Variants in COL5A2 observed in about 807,000 individuals in gnomAD.
COL5A2 encodes the protein collagen type V alpha 2 chain.
A neutral mutation model predicts 208.2 loss-of-function variants in COL5A2; 23 were observed. The ratio of observed to expected loss-of-function variants is 0.11; its 90% CI spans 0.08 to 0.16. The LOEUF (loss-of-function observed/expected upper bound fraction) is 0.16. Among genes scored for constraint, COL5A2 ranks in the 10% least tolerant of loss-of-function variants. COL5A2 has a pLI of 1.00. For synonymous variants in COL5A2, 625 were observed against 628.5 expected (o/e 0.99, Z 0.08); for missense variants, 1,590 against 1,956.4 (o/e 0.81, Z 3.53).
intron 1 of COL5A2, among the ~76,000 whole-genome samples, chr2:189,141,524 C>A (rs1300493003): frequency 2.0e-5 from 3 of 152,076 alleles, no homozygotes; most frequent in Non-Finnish European, 4.4e-5. Context: ...ATACAATTAT[C>A]TGACTGGGAT....
rs563349067 is a variant in COL5A2 at position 189,039,136 on chromosome 2, A to G, written c.3925+136T>C. The G allele has an allele frequency of 9.1e-6, 10 of 1,100,064 alleles. No homozygotes were observed. The Admixed American group carries it at 1.7e-4, about 18-fold the overall frequency. The allele number at this position is 1,100,064 out of a possible 1,614,324, so 68.1% of individuals were successfully genotyped here. Reference sequence around the variant, plus strand: ...TTGACTGTTTCCACCATTAAATTATAAGCTCCATGATATGTTTACTATTTT... The same window carrying G: ...TTGACTGTTTCCACCATTAAATTATGAGCTCCATGATATGTTTACTATTTT... On this transcript the variant is annotated intron_variant, in intron 51 of 53. Coordinates refer to ENST00000374866, the MANE Select transcript of COL5A2 (RefSeq NM_000393.5).
intron 1 of COL5A2, among the ~76,000 whole-genome samples, chr2:189,184,934 C>T (rs938348642): frequency 2.6e-5 from 4 of 152,034 alleles, no homozygotes; most frequent in African/African-American, 4.8e-5. Context: ...AATTCCTTGT[C>T]GGTCATGGGG....
intron 51 of COL5A2, among the ~76,000 whole-genome samples, chr2:189,038,836 C>G (rs59291399): frequency 0.056 from 8,459 of 152,156 alleles, 246 homozygotes; most frequent in African/African-American, 0.093. Context: ...ACTACAGGCA[C>G]CCGCCACCAC....
chr2:189,205,680 C>T (rs534080620), intron 1 of COL5A2, among the ~76,000 whole-genome samples: 1 of 152,210 alleles, frequency 6.6e-6, no homozygotes, highest in African/African-American at 2.4e-5. Context: ...ATATAGGACA[C>T]CTGGCCCATA....
chr2:189,266,548 A>G, the COL5A2 span, among the ~76,000 whole-genome samples: 1 of 152,176 alleles, frequency 6.6e-6, no homozygotes, highest in Non-Finnish European at 1.5e-5. Flanking sequence ...TCCTAAATCT[A>G]TGAAGTGTCC....
the COL5A2 span, among the ~76,000 whole-genome samples, chr2:189,419,634 A>AT: frequency 1.2e-4 from 18 of 148,950 alleles, no homozygotes; most frequent in East Asian, 3.9e-4. Flanking sequence ...CCACAAAATA[A>AT]TTTTTTTTTT....
At chr2:189,387,669 G>C in the COL5A2 span, among the ~76,000 whole-genome samples, 1 of 152,126 alleles carries the variant, frequency 6.6e-6, no homozygotes, top group African/African-American at 2.4e-5. Flanking sequence ...TATAAACAAA[G>C]TTGCAACAGG....
the COL5A2 span, among the ~76,000 whole-genome samples, chr2:189,353,283 G>A: frequency 1.3e-5 from 2 of 152,072 alleles, no homozygotes; most frequent in Non-Finnish European, 2.9e-5. Context: ...CTCTTTTTTG[G>A]TTCCATATGA....
chr2:189,383,540 C>T, the COL5A2 span, among the ~76,000 whole-genome samples: 1 of 152,052 alleles, frequency 6.6e-6, no homozygotes, highest in African/African-American at 2.4e-5. Flanking sequence ...ATAATATAGA[C>T]AAGAAAAGAA....
the COL5A2 span, among the ~76,000 whole-genome samples, chr2:189,297,107 C>G: frequency 6.6e-6 from 1 of 152,278 alleles, no homozygotes; most frequent in South Asian, 2.1e-4. Context: ...TTTGAAGAAA[C>G]AATTCTCCTC....
intron 50 of COL5A2, 118 bp downstream of exon 50, chr2:189,041,464 TCTAC>T: frequency 1.3e-6 from 1 of 796,454 alleles, no homozygotes; most frequent in Non-Finnish European, 2.3e-6. Context: ...TTGTGTGACT[TCTAC>T]GTTTGTTTTC....
chr2:189,062,726 A>G (rs1576501912), intron 29 of COL5A2, 139 bp downstream of exon 29: 3 of 885,452 alleles, frequency 3.4e-6, no homozygotes, highest in Middle Eastern at 3.3e-4. Context: ...AAGAGAAGGT[A>G]TAACAGAAAT....
At position 189,097,337 on chromosome 2, in the gene COL5A2, C is replaced by A. The variant is rs756690452; in HGVS notation, c.403-7G>T. ...CCTGTGATCCTGGAGGTCCCTAAAACAGAAAATGATGATTATGCATGCAAA... is the reference window on the plus strand; with the variant it reads ...CCTGTGATCCTGGAGGTCCCTAAAAAAGAAAATGATGATTATGCATGCAAA... On this transcript the variant is annotated splice_region_variant and splice_polypyrimidine_tract_variant and intron_variant, in intron 5 of 53. Coordinates refer to ENST00000374866, the MANE Select transcript of COL5A2 (RefSeq NM_000393.5). 1 of 1,613,960 alleles carries A rather than the reference C, an allele frequency of 6.2e-7. No individual in the cohort carries two copies. The highest frequency in any genetic ancestry group is 8.5e-7 in the Non-Finnish European group (1 of 1,179,930).
the COL5A2 span, among the ~76,000 whole-genome samples, chr2:189,409,233 T>C: frequency 8.3e-6 from 1 of 121,040 alleles, no homozygotes; most frequent in Non-Finnish European, 1.7e-5. Context: ...TTTTTAGAGA[T>C]AGGATCTGGA....
At chr2:189,224,148 A>T (rs1689382144) in intron 1 of COL5A2, among the ~76,000 whole-genome samples, 1 of 143,968 alleles carries the variant, frequency 6.9e-6, no homozygotes, top group South Asian at 2.3e-4. Context: ...TGTTGTGAAG[A>T]GGTAAACTGG....
intron 1 of COL5A2, among the ~76,000 whole-genome samples, chr2:189,208,035 A>G (rs1689163173): frequency 6.6e-6 from 1 of 152,146 alleles, no homozygotes; most frequent in African/African-American, 2.4e-5. Context: ...GAAATTCCAA[A>G]TGTATTTCTC....
At chr2:189,208,150 A>G (rs148872815) in intron 1 of COL5A2, among the ~76,000 whole-genome samples, 93 of 152,274 alleles carry the variant, frequency 6.1e-4, no homozygotes, top group Non-Finnish European at 1.1e-3. Context: ...ACTAAATCCA[A>G]ATTCATTACT....
chr2:189,242,833 A>G, the COL5A2 span, among the ~76,000 whole-genome samples: 1 of 152,214 alleles, frequency 6.6e-6, no homozygotes, highest in Non-Finnish European at 1.5e-5. Context: ...TGATCTTGGG[A>G]AAGCTGACTA....
At chr2:189,423,993 T>C in the COL5A2 span, among the ~76,000 whole-genome samples, 2 of 151,950 alleles carry the variant, frequency 1.3e-5, no homozygotes, top group East Asian at 1.9e-4. Context: ...CTTAAAAAGA[T>C]CCTTCACCAT....
Sources: gnomAD v4.1 joint callset for allele counts (sites outside exome capture counted in the v4.1 genomes callset) on GRCh38, gnomAD v4.1.1 for gene constraint, MANE v1.5 for transcripts, NCBI Gene and HGNC (gene_info 2026-07-23, HGNC 2026-07-21) for gene names.